The following CDH9 variants were observed in gnomAD, a reference collection of about 807,000 sequenced individuals.
CDH9 encodes cadherin 9, also known as cadherin-9.
In CDH9, 28 loss-of-function variants were observed where a neutral mutation model predicts 70.9. That is an observed-to-expected ratio of 0.40 (90% confidence interval 0.29 to 0.54). The LOEUF is 0.54. CDH9 is among the 20% of genes least tolerant of loss of function. CDH9 has a pLI of 0.59. For missense variants in CDH9, 874 were observed against 984.4 expected, an observed-to-expected ratio of 0.89 and a Z score of 1.50; for synonymous variants, 409 against 343.1, an observed-to-expected ratio of 1.19 and a Z score of -2.12.
chr5:26,881,514 G>A lies in CDH9; in HGVS notation c.1992C>T (p.Gly664=), dbSNP rs770202136. 6.2e-6 allele frequency: 10 copies of A among 1,613,500 alleles called. No homozygotes were observed. The highest frequency in any genetic ancestry group is 2.2e-5 in the South Asian group (2 of 91,076). The change falls in exon 12 of 12, where the codon GGC becomes GGT. Residue 664 remains glycine, a synonymous_variant. Coordinates refer to ENST00000231021, the MANE Select transcript of CDH9 (RefSeq NM_016279.4). ...CAAAAGCTTGGGTATCTTCTTCCCC[G>A]CCGCCTTCATCGTTGTAGGTCACAA... ...DNIVTYNDEG[G]GEEDTQAFDI...
chr5:26,959,673 TA>T (rs1471818202), intron 2 of CDH9, among the ~76,000 whole-genome samples: 2 of 152,008 alleles, frequency 1.3e-5, no homozygotes, highest in African/African-American at 2.4e-5. Context: ...TACTCAACCT[TA>T]AAAATAAAGT....
rs1741133310 is a variant in CDH9, at chr5:26,915,548, A to G, written c.523+82T>C. ...TAACTCTTATTCTGAAAGAGGCCAC[A>G]TATCATAACCACAAGTCAATAATAA... is the stretch of plus-strand genomic sequence containing the variant. On this transcript the variant is annotated intron_variant, in intron 3 of 11. Coordinates refer to ENST00000231021, the MANE Select transcript of CDH9 (RefSeq NM_016279.4). The G allele has an allele frequency of 8.8e-6, 7 of 798,294 alleles. No individual in the cohort carries two copies. The South Asian group carries it at 1.2e-4, about 13-fold the overall frequency. The allele number at this position is 798,294 out of a possible 1,614,324, so 49.5% of individuals were successfully genotyped here.
intron 1 of CDH9, among the ~76,000 whole-genome samples, chr5:27,020,985 A>G (rs1396633334): frequency 1.3e-5 from 2 of 151,818 alleles, no homozygotes; most frequent in Non-Finnish European, 2.9e-5. Context: ...ATGGCTGATA[A>G]ATCAACTAGT....
intron 2 of CDH9, among the ~76,000 whole-genome samples, chr5:26,931,767 G>T (rs1223953376): frequency 1.3e-5 from 2 of 152,002 alleles, no homozygotes; most frequent in Admixed American, 6.6e-5. Context: ...ATGTGTGTGT[G>T]GTATGCCAAT....
At chr5:26,934,727 A>G (rs765196047) in intron 2 of CDH9, among the ~76,000 whole-genome samples, 7 of 152,190 alleles carry the variant, frequency 4.6e-5, no homozygotes, top group South Asian at 4.1e-4. Context: ...ACTAGTCTAT[A>G]TAGGCTTACA....
chr5:26,905,076 A>G (rs1174543928), intron 5 of CDH9, among the ~76,000 whole-genome samples: 4 of 152,132 alleles, frequency 2.6e-5, no homozygotes, highest in South Asian at 2.1e-4. Flanking sequence ...TCAAAGATCA[A>G]TACAACATTT....
intron 5 of CDH9, among the ~76,000 whole-genome samples, chr5:26,905,598 C>T (rs1237190653): frequency 6.6e-6 from 1 of 152,064 alleles, no homozygotes. Flanking sequence ...CATGAGAGCC[C>T]ACCCTCCTAA....
chr5:26,962,934 A>G (rs1215956227), intron 2 of CDH9, among the ~76,000 whole-genome samples: 1 of 152,164 alleles, frequency 6.6e-6, no homozygotes, highest in African/African-American at 2.4e-5. Flanking sequence ...TTTTCTTAAT[A>G]AAAGGAACCC....
chr5:26,883,886 A>C (rs1317861548), intron 11 of CDH9, among the ~76,000 whole-genome samples: 4 of 152,054 alleles, frequency 2.6e-5, no homozygotes, highest in Non-Finnish European at 5.9e-5. Flanking sequence ...ATTTCTTCAA[A>C]ATGTACGAAA....
intron 1 of CDH9, among the ~76,000 whole-genome samples, chr5:27,016,644 T>G (rs1743051155): frequency 6.6e-6 from 1 of 151,876 alleles, no homozygotes; most frequent in Non-Finnish European, 1.5e-5. Context: ...GCTTTAAATC[T>G]AAAAGTAATT....
chr5:26,887,404 T>C (rs747315958), intron 9 of CDH9, among the ~76,000 whole-genome samples: 12 of 151,062 alleles, frequency 7.9e-5, no homozygotes, highest in Non-Finnish European at 1.6e-4. Context: ...GATATACATA[T>C]ACTTAAAATC....
At chr5:27,037,008 A>G (rs1177576211) in intron 1 of CDH9, among the ~76,000 whole-genome samples, 2 of 152,014 alleles carry the variant, frequency 1.3e-5, no homozygotes, top group African/African-American at 2.4e-5. Flanking sequence ...GCAAAAATGT[A>G]TTTCACAATG....
intron 2 of CDH9, among the ~76,000 whole-genome samples, chr5:26,945,787 A>G (rs2112040988): frequency 6.6e-6 from 1 of 152,336 alleles, no homozygotes; most frequent in South Asian, 2.1e-4. Flanking sequence ...ACCTGGAAAG[A>G]GAAAGGGCTA....
At chr5:26,925,059 A>C (rs922743863) in intron 2 of CDH9, among the ~76,000 whole-genome samples, 23 of 152,134 alleles carry the variant, frequency 1.5e-4, no homozygotes, top group Admixed American at 7.2e-4. Context: ...TCCTTTGGGC[A>C]TATATCCAGT....
intron 2 of CDH9, among the ~76,000 whole-genome samples, chr5:26,981,774 T>C (rs555890392): frequency 1.3e-5 from 2 of 152,000 alleles, no homozygotes; most frequent in African/African-American, 2.4e-5. Context: ...ATAAAAACAA[T>C]AGAAAATCAA....
chr5:26,950,466 G>C (rs1262131184), intron 2 of CDH9, among the ~76,000 whole-genome samples: 1 of 152,126 alleles, frequency 6.6e-6, no homozygotes, highest in Non-Finnish European at 1.5e-5. Context: ...CTGAATAGAA[G>C]TCACCACTTG....
intron 2 of CDH9, among the ~76,000 whole-genome samples, chr5:26,978,262 A>G (rs1259486236): frequency 1.3e-5 from 2 of 151,984 alleles, no homozygotes; most frequent in Non-Finnish European, 2.9e-5. Flanking sequence ...AATAATTGAC[A>G]TCAATATATT....
intron 2 of CDH9, among the ~76,000 whole-genome samples, chr5:26,972,448 A>C (rs187552058): frequency 6.6e-6 from 1 of 152,236 alleles, no homozygotes; most frequent in East Asian, 1.9e-4. Flanking sequence ...AGTTCCAGGA[A>C]ACCCATGTAT....
chr5:26,932,331 GA>G (rs772088882), intron 2 of CDH9, among the ~76,000 whole-genome samples: 8 of 150,894 alleles, frequency 5.3e-5, no homozygotes, highest in Non-Finnish European at 1.2e-4. Flanking sequence ...AGTAATCTGA[GA>G]AAAAAGACCT....
Sources: allele counts gnomAD v4.1 joint callset (sites outside exome capture counted in the v4.1 genomes callset), GRCh38; gene constraint gnomAD v4.1.1; transcripts MANE v1.5; gene names NCBI Gene and HGNC (gene_info 2026-07-23, HGNC 2026-07-21).